The following VIPR2 variants were observed in gnomAD, a reference collection of about 807,000 sequenced individuals.
The protein encoded by VIPR2 is vasoactive intestinal peptide receptor 2.
A neutral mutation model predicts 58.0 loss-of-function variants in VIPR2; 48 were observed. The observed-to-expected ratio is 0.83, with a 90% CI of 0.66 to 1.05. VIPR2 has a LOEUF of 1.05. VIPR2 is among the 50% of genes least tolerant of loss of function. VIPR2 has a pLI of 0.00. For missense variants in VIPR2, 534 were observed against 558.0 expected (o/e 0.96, Z 0.43); for synonymous variants, 243 against 235.2 (o/e 1.03, Z -0.30).
intron 2 of VIPR2, among the ~76,000 whole-genome samples, chr7:159,118,892 CA>C: frequency 6.6e-6 from 1 of 152,218 alleles, no homozygotes; most frequent in Non-Finnish European, 1.5e-5. Context: ...GTGTGCGGCA[CA>C]GCGCTTTGTG....
chr7:159,078,431 G>A (rs770117170), intron 4 of VIPR2, among the ~76,000 whole-genome samples: 3 of 152,052 alleles, frequency 2.0e-5, no homozygotes, highest in Non-Finnish European at 2.9e-5. Flanking sequence ...ATCATGACAC[G>A]GTTCAACACT....
At chr7:159,069,613 C>A (rs1357308229) in intron 4 of VIPR2, among the ~76,000 whole-genome samples, 3 of 146,244 alleles carry the variant, frequency 2.1e-5, no homozygotes, top group Non-Finnish European at 4.5e-5. Flanking sequence ...GGTCTCCAAC[C>A]CTGTTTTCTG....
intron 5 of VIPR2, among the ~76,000 whole-genome samples, chr7:159,047,763 A>G (rs1854745215): frequency 6.6e-6 from 1 of 152,248 alleles, no homozygotes; most frequent in Admixed American, 6.5e-5. Flanking sequence ...TGAAAGAAAC[A>G]AGACAATGAA....
At chr7:159,134,545 T>C (rs1797115590) in intron 2 of VIPR2, among the ~76,000 whole-genome samples, 1 of 152,238 alleles carries the variant, frequency 6.6e-6, no homozygotes. Context: ...AAAGAAATTT[T>C]ATGTGTGGTC....
chr7:159,085,805 A>G (rs1423427195), intron 4 of VIPR2, among the ~76,000 whole-genome samples: 1 of 152,150 alleles, frequency 6.6e-6, no homozygotes, highest in African/African-American at 2.4e-5. Flanking sequence ...CTGGAAAGGC[A>G]GGACTATGGA....
Position 159,028,740 on chromosome 7 carries a change from C to T in VIPR2, c.*1876G>A, listed in dbSNP as rs1853371030. 6.5e-6 allele frequency: 1 copy of T among 153,258 alleles called. No individual in the cohort carries two copies. The highest frequency in any genetic ancestry group is 2.4e-5 in the African/African-American group (1 of 41,488). The allele number at this position is 153,258 out of a possible 1,614,324, so 9.5% of individuals were successfully genotyped here. A position where few individuals can be genotyped will look rare whatever the true frequency, so the allele number is the denominator to read the frequency against. On this transcript the variant is annotated 3_prime_UTR_variant, in exon 13 of 13. Transcript: ENST00000262178. ...GCAGCGTCCACCTGCCTCCCTCTCG[C>T]TCCACATGCTCAGCCGTCCTTTCCT... is the stretch of plus-strand genomic sequence containing the variant.
chr7:159,104,711 C>T (rs1468525959), intron 3 of VIPR2, among the ~76,000 whole-genome samples: 1 of 151,058 alleles, frequency 6.6e-6, no homozygotes, highest in African/African-American at 2.4e-5. Flanking sequence ...GCCAGGCCCT[C>T]ACCACCGACG....
In VIPR2 at chr7:159,098,296, C is replaced by T. The variant is rs148857760; in HGVS notation, c.357+5461G>A. ...CCCTCAGTCTGCTGGTGGTGGTGCTCGAGAACTGTGGCTTACAGTGCGGGT... is the reference window on the plus strand; with the variant it reads ...CCCTCAGTCTGCTGGTGGTGGTGCTTGAGAACTGTGGCTTACAGTGCGGGT... On this transcript the variant is annotated intron_variant, in intron 4 of 12. Coordinates refer to ENST00000262178, the MANE Select transcript of VIPR2 (RefSeq NM_003382.5). The surrounding 1 kb of genome is among the most constrained non-coding windows in gnomAD (Gnocchi z 5.2). 0.025 allele frequency among the ~76,000 whole-genome samples: 3,803 copies of T among 152,162 alleles called. 72 individuals carry two copies. Among genetic ancestry groups the T allele is most frequent in the Non-Finnish European group, 0.037 (2,528 of 67,986 alleles).
Position 159,030,342 on chromosome 7 carries a change from CA to C in VIPR2, c.*273del, listed in dbSNP as rs869158676. ...TGGGCGACAGAGCGAGACTCCGTCT[CA>C]AAAAAAAAAAAAAAAAAAAAAGTGG... On this transcript the variant is annotated 3_prime_UTR_variant, in exon 13 of 13. Coordinates refer to ENST00000262178, the MANE Select transcript of VIPR2 (RefSeq NM_003382.5). 0.13 allele frequency: 26,146 copies of C among 199,602 alleles called. 77 individuals carry two copies. The highest frequency in any genetic ancestry group is 0.17 in the Middle Eastern group (127 of 766). 12.4% of individuals were successfully genotyped at this position (199,602 alleles called of 1,614,324 possible). A position where few individuals can be genotyped will look rare whatever the true frequency, so the allele number is the denominator to read the frequency against.
At chr7:159,074,008 C>T (rs527499218) in intron 4 of VIPR2, among the ~76,000 whole-genome samples, 13 of 152,324 alleles carry the variant, frequency 8.5e-5, no homozygotes, top group South Asian at 4.1e-4. Flanking sequence ...TCCACTCCTG[C>T]TTCTACCACA....
At position 159,076,154 on chromosome 7, in the gene VIPR2, C is replaced by T. The variant is rs141782282; in HGVS notation, c.358-17576G>A. 7.9e-3 allele frequency among the ~76,000 whole-genome samples: 1,206 copies of T among 152,242 alleles called. 15 individuals carry two copies. Among genetic ancestry groups the T allele is most frequent in the African/African-American group, 0.028 (1,151 of 41,530 alleles). On this transcript the variant is annotated intron_variant, in intron 4 of 12. Coordinates refer to ENST00000262178, the MANE Select transcript of VIPR2 (RefSeq NM_003382.5). The stretch of plus-strand genomic sequence containing the variant: ...TCCAAAATCCTCCGTGGGCCAGGAT[C>T]TTGTGCGTTTTTGGAAAAATGGGTA...
Position 159,096,956 on chromosome 7 carries a change from C to T in VIPR2, c.357+6801G>A. ...CTCGTGGCTGGCATTGAGCTTGGCA[C>T]CTGCTGGGCCTGAGGACCATGAGGG... On this transcript the variant is annotated intron_variant, in intron 4 of 12. Transcript: ENST00000262178. This position sits in a 1 kb window ranked among gnomAD's most constrained non-coding sequence, Gnocchi z 5.5. 3 of 1,550,662 alleles carry T rather than the reference C, an allele frequency of 1.9e-6. No individual in the cohort carries two copies. Among genetic ancestry groups the T allele is most frequent in the South Asian group, 1.2e-5 (1 of 84,054 alleles).
intron 4 of VIPR2, among the ~76,000 whole-genome samples, chr7:159,080,915 G>A (rs1585436149): frequency 1.3e-5 from 2 of 152,260 alleles, no homozygotes; most frequent in Admixed American, 1.3e-4. Context: ...TACAAGGGAT[G>A]TGAAGGACCT....
At chr7:159,139,773 T>C (rs187099046) in intron 2 of VIPR2, among the ~76,000 whole-genome samples, 48 of 152,236 alleles carry the variant, frequency 3.2e-4, no homozygotes, top group African/African-American at 1.1e-3. Context: ...GACGCGGGTG[T>C]AAGAATGATA....
At chr7:159,062,320 G>A (rs976812377) in intron 4 of VIPR2, among the ~76,000 whole-genome samples, 2 of 152,266 alleles carry the variant, frequency 1.3e-5, no homozygotes, top group African/African-American at 2.4e-5. Context: ...GTGGGTTTTT[G>A]GTCTCACTGA....
At chr7:159,038,574 T>TAA (rs1854120343) in intron 6 of VIPR2, among the ~76,000 whole-genome samples, 1 of 152,100 alleles carries the variant, frequency 6.6e-6, no homozygotes, top group Non-Finnish European at 1.5e-5. Flanking sequence ...TAAAGTGAAA[T>TAA]AAATCAAGTT....
At position 159,127,565 on chromosome 7, in the gene VIPR2, T is replaced by C. The variant is rs902828950; in HGVS notation, c.151+14881A>G. On this transcript the variant is annotated intron_variant, in intron 2 of 12. Transcript: ENST00000262178. The surrounding 1 kb of genome is among the most constrained non-coding windows in gnomAD (Gnocchi z 4.6). ...GTCCAATACATGTGGTTGGGATCCC[T>C]GACCAGCCATCTCTGCCTAAAGAGA... 2.3e-4 allele frequency among the ~76,000 whole-genome samples: 35 copies of C among 152,334 alleles called. 1 individual carries two copies. The highest frequency in any genetic ancestry group is 8.4e-4 in the African/African-American group (35 of 41,580).
intron 5 of VIPR2, among the ~76,000 whole-genome samples, chr7:159,057,259 A>G (rs185040910): frequency 2.0e-5 from 3 of 152,326 alleles, no homozygotes; most frequent in Non-Finnish European, 4.4e-5. Flanking sequence ...AAACATATAT[A>G]GTAAATTATA....
rs1456975089 is a variant in VIPR2 at position 159,121,245 on chromosome 7, C to CT, written c.152-11327dup. On this transcript the variant is annotated intron_variant, in intron 2 of 12. Transcript: ENST00000262178. ...CCTTCCTCGTCGTGCGGGGCAGACT[C>CT]TAACACAGCCCCAGGCCAGCTCCCT... 3.3e-5 allele frequency among the ~76,000 whole-genome samples: 5 copies of CT among 150,104 alleles called. No homozygotes were observed. The East Asian group carries it at 6.1e-4, about 18-fold the overall frequency.
Sources: gnomAD v4.1 joint callset for allele counts (sites outside exome capture counted in the v4.1 genomes callset) on GRCh38, gnomAD v4.1.1 for gene constraint, Gnocchi (gnomAD v3.1) non-coding constraint, MANE v1.5 for transcripts, NCBI Gene and HGNC (gene_info 2026-07-23, HGNC 2026-07-21) for gene names.